The following RGS20 variants were observed in gnomAD, a reference collection of about 807,000 sequenced individuals.
The protein encoded by RGS20 is regulator of G protein signaling 20.
In RGS20, 30 loss-of-function variants were observed where a neutral mutation model predicts 33.6. The ratio of observed to expected loss-of-function variants is 0.89; its 90% CI spans 0.67 to 1.21. RGS20 has a LOEUF of 1.21. Among genes scored for constraint, RGS20 ranks in the 50% most tolerant of loss-of-function variants. The probability of loss-of-function intolerance (pLI) is 0.00; values close to 1 mark genes in which losing one functional copy is unlikely to be tolerated. For missense variants in RGS20, 472 were observed against 502.4 expected (o/e 0.94, Z 0.58); for synonymous variants, 208 against 197.9 (o/e 1.05, Z -0.43).
chr8:53,898,925 C>T (rs980130324), intron 2 of RGS20, among the ~76,000 whole-genome samples: 17 of 152,214 alleles, frequency 1.1e-4, no homozygotes, highest in African/African-American at 1.9e-4. Context: ...TGCTATGTAA[C>T]GTGACTGGCA....
chr8:53,890,753 C>T (rs1174459352), intron 2 of RGS20, among the ~76,000 whole-genome samples: 1 of 152,242 alleles, frequency 6.6e-6, no homozygotes, highest in African/African-American at 2.4e-5. Flanking sequence ...CTTCAACCTC[C>T]TGAGTAGCTG....
intron 2 of RGS20, chr8:53,880,881 G>A (rs1049221832): frequency 3.4e-6 from 5 of 1,478,206 alleles, no homozygotes; most frequent in Non-Finnish European, 4.5e-6. Context: ...CAGAGCAAGG[G>A]GAGGAAGAGG....
At chr8:53,860,316 C>T (rs1811781309) in intron 1 of RGS20, among the ~76,000 whole-genome samples, 1 of 152,128 alleles carries the variant, frequency 6.6e-6, no homozygotes, top group South Asian at 2.1e-4. Flanking sequence ...TCCCATAAGA[C>T]TATATTTGGC....
In RGS20 at chr8:53,888,692, C is replaced by T. The variant is rs374375903; in HGVS notation, c.510+9090C>T. On this transcript the variant is annotated intron_variant, in intron 2 of 5. Transcript: ENST00000297313. Reference sequence around the variant, plus strand: ...AAGATATAGGATATTTTCAGCCCCCCGTGCTCTCCCAAAGATTCCGTCTCG... The same window carrying T: ...AAGATATAGGATATTTTCAGCCCCCTGTGCTCTCCCAAAGATTCCGTCTCG... Among the ~76,000 whole-genome samples, 8 of 152,318 alleles carry T rather than the reference C, an allele frequency of 5.3e-5. No homozygotes were observed. In the South Asian group the frequency reaches 6.2e-4, roughly 12 times the overall value.
chr8:53,942,974 C>T (rs563193104), intron 3 of RGS20, among the ~76,000 whole-genome samples: 1 of 152,026 alleles, frequency 6.6e-6, no homozygotes, highest in Admixed American at 6.6e-5. Context: ...CCAGCCTGGG[C>T]AACAGAGTGA....
Position 53,851,798 on chromosome 8 carries a change from G to A in RGS20, c.-102G>A. ...GGAGAAGTCTCCCCACAGATTCAGA[G>A]CCAGCCCAGCATTAACCAAACAAAG... On this transcript the variant is annotated 5_prime_UTR_variant, in exon 1 of 6. Coordinates refer to ENST00000297313, the MANE Select transcript of RGS20 (RefSeq NM_170587.4). The A allele has an allele frequency of 1.6e-6, 2 of 1,281,054 alleles. No homozygotes were observed. Among genetic ancestry groups the A allele is most frequent in the Non-Finnish European group, 2.2e-6 (2 of 924,648 alleles). 79.4% of individuals were successfully genotyped at this position (1,281,054 alleles called of 1,614,324 possible).
At chr8:53,946,851 T>A in intron 4 of RGS20, 103 bp downstream of exon 3, 1 of 898,636 alleles carries the variant, frequency 1.1e-6, no homozygotes, top group Non-Finnish European at 1.7e-6. Context: ...TTTCTCTAAC[T>A]GTAATTTAGT....
intron 2 of RGS20, among the ~76,000 whole-genome samples, chr8:53,909,432 G>A (rs1813290118): frequency 6.6e-6 from 1 of 151,032 alleles, no homozygotes; most frequent in African/African-American, 2.4e-5. Context: ...TGTTGTTGTT[G>A]TTGAGACAGG....
At chr8:53,936,049 C>A (rs577635439) in intron 2 of RGS20, among the ~76,000 whole-genome samples, 1 of 152,212 alleles carries the variant, frequency 6.6e-6, no homozygotes, top group African/African-American at 2.4e-5. Context: ...AATTCAACAC[C>A]CTTTCATGCT....
intron 1 of RGS20, among the ~76,000 whole-genome samples, chr8:53,854,498 A>C (rs1254880041): frequency 6.6e-6 from 1 of 152,214 alleles, no homozygotes; most frequent in Non-Finnish European, 1.5e-5. Flanking sequence ...AGCCACTAGG[A>C]GATGCAAATT....
chr8:53,899,830 A>G (rs1475231971), intron 2 of RGS20, among the ~76,000 whole-genome samples: 2 of 152,176 alleles, frequency 1.3e-5, no homozygotes, highest in African/African-American at 4.8e-5. Flanking sequence ...AGGTGGCTTC[A>G]GGCTCTAGTC....
intron 2 of RGS20, among the ~76,000 whole-genome samples, chr8:53,904,000 A>C (rs1250886385): frequency 1.3e-5 from 2 of 152,166 alleles, no homozygotes; most frequent in Non-Finnish European, 2.9e-5. Flanking sequence ...TGCCTTTGCC[A>C]GGAGTTAGGA....
intron 3 of RGS20, among the ~76,000 whole-genome samples, chr8:53,941,085 G>A (rs970803985): frequency 2.0e-5 from 3 of 152,184 alleles, no homozygotes; most frequent in South Asian, 2.1e-4. Flanking sequence ...TGTGGGAGGC[G>A]GCTGACATGC....
At chr8:53,872,922 A>G (rs1364904533) in intron 1 of RGS20, among the ~76,000 whole-genome samples, 5 of 152,024 alleles carry the variant, frequency 3.3e-5, no homozygotes, top group Non-Finnish European at 7.4e-5. Context: ...TATTTCCAGA[A>G]CTCTTTTATC....
At chr8:53,929,105 TAG>T (rs1159344975) in intron 2 of RGS20, among the ~76,000 whole-genome samples, 1 of 152,048 alleles carries the variant, frequency 6.6e-6, no homozygotes, top group Non-Finnish European at 1.5e-5. Context: ...TTAATGGATA[TAG>T]AGAGAAAGCA....
chr8:53,902,568 T>C (rs1226058824), intron 2 of RGS20, among the ~76,000 whole-genome samples: 1 of 152,242 alleles, frequency 6.6e-6, no homozygotes, highest in Non-Finnish European at 1.5e-5. Context: ...ATTTCCTTCA[T>C]TATTTTAGCT....
chr8:53,886,755 G>C (rs1400464635), intron 2 of RGS20, among the ~76,000 whole-genome samples: 4 of 152,178 alleles, frequency 2.6e-5, no homozygotes, highest in Non-Finnish European at 5.9e-5. Context: ...GTTCAAGGCT[G>C]GAGCACAAGT....
chr8:53,855,046 T>C (rs1399793641), intron 1 of RGS20, among the ~76,000 whole-genome samples: 1 of 152,196 alleles, frequency 6.6e-6, no homozygotes, highest in Non-Finnish European at 1.5e-5. Flanking sequence ...TATATATATG[T>C]GTATGATTCT....
At chr8:53,863,868 A>G (rs1811863175) in intron 1 of RGS20, among the ~76,000 whole-genome samples, 1 of 151,604 alleles carries the variant, frequency 6.6e-6, no homozygotes, top group African/African-American at 2.4e-5. Flanking sequence ...CTGGGACTAC[A>G]GGCTCATGCC....
Sources: gnomAD v4.1 joint callset for allele counts (sites outside exome capture counted in the v4.1 genomes callset) on GRCh38, gnomAD v4.1.1 for gene constraint, MANE v1.5 for transcripts, NCBI Gene and HGNC (gene_info 2026-07-23, HGNC 2026-07-21) for gene names.